Variants in SFRP1 observed in about 807,000 individuals in gnomAD.
SFRP1 encodes secreted frizzled related protein 1.
SFRP1 carries 9 observed loss-of-function variants against 25.9 expected under a neutral mutation model. The observed-to-expected ratio is 0.35, with a 90% CI of 0.21 to 0.61. The LOEUF (loss-of-function observed/expected upper bound fraction) is 0.61. SFRP1 is among the 20% of genes least tolerant of loss of function. The pLI is 0.78. For synonymous variants in SFRP1, 178 were observed against 174.0 expected (o/e 1.02, Z -0.18); for missense variants, 346 against 418.2 (o/e 0.83, Z 1.51).
At chr8:41,305,975 A>G (rs1301828645) in intron 1 of SFRP1, among the ~76,000 whole-genome samples, 1 of 152,248 alleles carries the variant, frequency 6.6e-6, no homozygotes, top group African/African-American at 2.4e-5. Context: ...CCCAAGCAAC[A>G]ACAAAATCAA....
intron 2 of SFRP1, among the ~76,000 whole-genome samples, chr8:41,291,072 AT>A (rs113775656): frequency 7.4e-5 from 11 of 147,718 alleles, no homozygotes; most frequent in South Asian, 2.2e-4. Context: ...AGGCCCCGCT[AT>A]TTTTTTTTGT....
rs1201680772 is a variant in SFRP1, at chr8:41,264,533, T to A, written c.*634A>T. ...CTGGCTGATTCAGATTCAAAGACAA[T>A]CACACGGAAAGACTGTGGGCAGAGA... On this transcript the variant is annotated 3_prime_UTR_variant, in exon 3 of 3. Transcript: ENST00000220772. 9 of 152,196 alleles carry A rather than the reference T, an allele frequency of 5.9e-5. No homozygotes were observed. The highest frequency in any genetic ancestry group is 5.2e-4 in the Admixed American group (8 of 15,268). The allele number at this position is 152,196 out of a possible 1,614,324, so 9.4% of individuals were successfully genotyped here.
At chr8:41,299,698 G>A (rs1244576317) in intron 2 of SFRP1, among the ~76,000 whole-genome samples, 2 of 143,748 alleles carry the variant, frequency 1.4e-5, no homozygotes, top group East Asian at 2.0e-4. Context: ...CAACATCCAC[G>A]TCCCACATCC....
In SFRP1 at chr8:41,278,475, G is replaced by A. The variant is rs118176106; in HGVS notation, c.623-12986C>T. Among the ~76,000 whole-genome samples, 17 of 152,288 alleles carry A rather than the reference G, an allele frequency of 1.1e-4. No individual in the cohort carries two copies. The East Asian group carries it at 3.1e-3, about 28-fold the overall frequency. ...TGTGTTCATTCATTGAGATGGATCC[G>A]TTCATTTCAGTCTCCCTGCCTGCAA... On this transcript the variant is annotated intron_variant, in intron 2 of 2. Coordinates refer to ENST00000220772, the MANE Select transcript of SFRP1 (RefSeq NM_003012.5).
chr8:41,274,887 A>T lies in SFRP1; in HGVS notation c.623-9398T>A, dbSNP rs534820739. 4.1e-4 allele frequency among the ~76,000 whole-genome samples: 62 copies of T among 152,336 alleles called. 2 individuals carry two copies. The South Asian group carries it at 7.2e-3, about 18-fold the overall frequency. On this transcript the variant is annotated intron_variant, in intron 2 of 2. Coordinates refer to ENST00000220772, the MANE Select transcript of SFRP1 (RefSeq NM_003012.5). ...GTCAGATCATGAAGGAAATACAGAG[A>T]TTTCACATCTCCAGACCCTTCACCC...
At chr8:41,285,341 C>T (rs763352091) in intron 2 of SFRP1, among the ~76,000 whole-genome samples, 13 of 152,166 alleles carry the variant, frequency 8.5e-5, no homozygotes, top group African/African-American at 2.7e-4. Flanking sequence ...CGCACTATTC[C>T]CTTCACACAC....
intron 2 of SFRP1, among the ~76,000 whole-genome samples, chr8:41,279,872 T>G (rs1585510003): frequency 6.6e-6 from 1 of 152,186 alleles, no homozygotes; most frequent in East Asian, 1.9e-4. Flanking sequence ...CTGGACCTGA[T>G]AGTGTCAACA....
intron 1 of SFRP1, among the ~76,000 whole-genome samples, chr8:41,306,146 A>G (rs1304810367): frequency 2.0e-5 from 3 of 150,252 alleles, no homozygotes; most frequent in Non-Finnish European, 3.0e-5. Context: ...AGGAGCTTCT[A>G]TGGCTTGGGT....
intron 1 of SFRP1, among the ~76,000 whole-genome samples, chr8:41,307,732 T>C (rs1804016053): frequency 1.3e-5 from 2 of 152,232 alleles, no homozygotes; most frequent in African/African-American, 4.8e-5. Flanking sequence ...CCAGGATTTT[T>C]TTTTCTTCCC....
intron 2 of SFRP1, among the ~76,000 whole-genome samples, chr8:41,288,404 G>C (rs919016494): frequency 4.0e-5 from 6 of 151,688 alleles, no homozygotes; most frequent in Non-Finnish European, 8.8e-5. Context: ...TAGGTGTGAT[G>C]CTATGCACCT....
chr8:41,299,662 C>CAAAAAA lies in SFRP1; in HGVS notation c.622+3793_622+3798dup, dbSNP rs61141419. Among the ~76,000 whole-genome samples the CAAAAAA allele has an allele frequency of 7.5e-4, 50 of 66,366 alleles. 2 individuals are homozygous for CAAAAAA. Among genetic ancestry groups the CAAAAAA allele is most frequent in the African/African-American group, 3.2e-3 (48 of 14,790 alleles). 43.5% of individuals were successfully genotyped at this position (66,366 alleles called of 152,430 possible). A position where few individuals can be genotyped will look rare whatever the true frequency, so the allele number is the denominator to read the frequency against. On this transcript the variant is annotated intron_variant, in intron 2 of 2. Transcript: ENST00000220772. ...GCCCAGGTAGAGCGAGACTTAGTCT[C>CAAAAAA]AAAAAAAAAAAAAAAAAAAAAATTC...
chr8:41,304,405 G>T (rs559203720), intron 1 of SFRP1, among the ~76,000 whole-genome samples: 1 of 152,066 alleles, frequency 6.6e-6, no homozygotes, highest in East Asian at 1.9e-4. Flanking sequence ...AGCTGAAGTG[G>T]CTTATCATCA....
At chr8:41,301,731 G>A (rs1052743077) in intron 2 of SFRP1, among the ~76,000 whole-genome samples, 1 of 152,214 alleles carries the variant, frequency 6.6e-6, no homozygotes, top group African/African-American at 2.4e-5. Context: ...CAAAAGTTCT[G>A]TGAACCCAAG....
intron 2 of SFRP1, among the ~76,000 whole-genome samples, chr8:41,284,342 C>T (rs1209366994): frequency 1.3e-5 from 2 of 151,564 alleles, no homozygotes; most frequent in Non-Finnish European, 3.0e-5. Context: ...GCCCGGCCAA[C>T]ATTGCTGGAG....
intron 2 of SFRP1, among the ~76,000 whole-genome samples, chr8:41,277,194 C>T (rs2117489160): frequency 6.6e-6 from 1 of 152,228 alleles, no homozygotes; most frequent in Admixed American, 6.5e-5. Context: ...CAGTGTGCAG[C>T]TTAGCCTCTT....
chr8:41,296,123 G>A (rs907187091), intron 2 of SFRP1, among the ~76,000 whole-genome samples: 2 of 51,320 alleles, frequency 3.9e-5, no homozygotes, highest in African/African-American at 1.1e-4. Context: ...ACAGACTGCA[G>A]TCCAGGTCCT....
intron 2 of SFRP1, among the ~76,000 whole-genome samples, chr8:41,277,434 G>A (rs566469860): frequency 1.3e-5 from 2 of 152,298 alleles, no homozygotes; most frequent in African/African-American, 2.4e-5. Flanking sequence ...ATGTGGGATG[G>A]TCTCCTGGGA....
intron 2 of SFRP1, among the ~76,000 whole-genome samples, chr8:41,290,602 G>A (rs924681978): frequency 5.9e-5 from 9 of 152,168 alleles, no homozygotes; most frequent in African/African-American, 1.7e-4. Flanking sequence ...GGCACTGACC[G>A]CAGCAGATGG....
At chr8:41,297,161 G>A (rs1182246244) in intron 2 of SFRP1, among the ~76,000 whole-genome samples, 1 of 151,984 alleles carries the variant, frequency 6.6e-6, no homozygotes, top group Non-Finnish European at 1.5e-5. Context: ...CTCCTGCCTC[G>A]GCCTCTGAAG....
Sources: allele counts gnomAD v4.1 joint callset (sites outside exome capture counted in the v4.1 genomes callset), GRCh38; gene constraint gnomAD v4.1.1; transcripts MANE v1.5; gene names NCBI Gene and HGNC (gene_info 2026-07-23, HGNC 2026-07-21).